Variants in RCSD1 observed in about 807,000 individuals in gnomAD.
The protein encoded by RCSD1 is capZ-interacting protein.
RCSD1 carries 26 observed loss-of-function variants against 42.5 expected under a neutral mutation model. That is an observed-to-expected ratio of 0.61 (90% CI 0.45 to 0.85). RCSD1 has a LOEUF of 0.85. Among genes scored for constraint, RCSD1 ranks in the 40% least tolerant of loss-of-function variants. The pLI, the probability that RCSD1 is intolerant of heterozygous loss-of-function variation, is 0.00. For missense variants in RCSD1, 571 were observed against 528.3 expected (o/e 1.08, Z -0.79); for synonymous variants, 220 against 212.2 (o/e 1.04, Z -0.32).
rs777072649 is a variant in RCSD1, at chr1:167,630,384, C to A, written c.-40C>A. On this transcript the variant is annotated 5_prime_UTR_variant, in exon 1 of 7. Transcript: ENST00000367854. ...CGGGGATCGTGAGCTCCGGCCCGGG[C>A]GAGCGGGTGCGTCTGCCGCAGAGTC... The A allele has an allele frequency of 2.0e-6, 3 of 1,500,008 alleles. No individual in the cohort carries two copies. Among genetic ancestry groups the A allele is most frequent in the East Asian group, 2.7e-5 (1 of 37,526 alleles). The allele number at this position is 1,500,008 out of a possible 1,614,324, so 92.9% of individuals were successfully genotyped here.
rs114982994 is a variant in RCSD1 at position 167,672,332 on chromosome 1, T to C, written c.7-11568T>C. On this transcript the variant is annotated intron_variant, in intron 1 of 6. Transcript: ENST00000367854. ...TGACCGACTGACTGTATTAGTTTCC[T>C]ATGGCTGCTGTGACAAATGTCCACC... Among the ~76,000 whole-genome samples the C allele has an allele frequency of 3.6e-3, 541 of 152,338 alleles. 5 individuals carry two copies. The highest frequency in any genetic ancestry group is 0.012 in the African/African-American group (516 of 41,564).
chr1:167,656,415 C>T (rs1022538), intron 1 of RCSD1, among the ~76,000 whole-genome samples: 50,221 of 152,122 alleles, frequency 0.33, 8,646 homozygotes, highest in African/African-American at 0.39. Flanking sequence ...AATGCTTTTA[C>T]TGGAATAAAA....
intron 1 of RCSD1, among the ~76,000 whole-genome samples, chr1:167,638,841 C>T (rs1657925859): frequency 6.6e-6 from 1 of 152,232 alleles, no homozygotes; most frequent in Non-Finnish European, 1.5e-5. Context: ...CCATCCCCTT[C>T]ATTTTAAAGA....
intron 6 of RCSD1, among the ~76,000 whole-genome samples, chr1:167,702,371 A>G (rs939814718): frequency 1.3e-5 from 2 of 152,258 alleles, no homozygotes; most frequent in African/African-American, 4.8e-5. Flanking sequence ...GGGGATTTCA[A>G]TCATAGGCAA....
chr1:167,697,798 A>G lies in RCSD1; in HGVS notation c.1174A>G (p.Thr392Ala), dbSNP rs1340275078. The G allele has an allele frequency of 4.7e-6, 7 of 1,480,242 alleles. No homozygotes were observed. The highest frequency in any genetic ancestry group is 2.4e-5 in the East Asian group (1 of 41,978). The allele number at this position is 1,480,242 out of a possible 1,614,324, so 91.7% of individuals were successfully genotyped here. Residue 392 changes from threonine (T) to alanine (A), a missense_variant, in exon 6 of 7, where the codon ACC becomes GCC. By Grantham distance (58) the Thr-to-Ala change is moderately conservative. Coordinates refer to ENST00000367854, the MANE Select transcript of RCSD1 (RefSeq NM_052862.4). ...SPQTGPAQLE[T>A]SSEVQSEPAV... ...CCAGACCGGCCCTGCCCAGCTGGAG[A>G]CCAGCAGTGAGGTCCAGAGCGAGCC... is the stretch of plus-strand genomic sequence containing the variant.
chr1:167,682,036 G>A (rs1659094637), intron 1 of RCSD1, among the ~76,000 whole-genome samples: 2 of 152,174 alleles, frequency 1.3e-5, no homozygotes, highest in Non-Finnish European at 2.9e-5. Context: ...AGCATTTGGT[G>A]TTTAGGCTGG....
At chr1:167,632,761 C>T (rs1220558025) in intron 1 of RCSD1, among the ~76,000 whole-genome samples, 1 of 140,816 alleles carries the variant, frequency 7.1e-6, no homozygotes, top group Non-Finnish European at 1.6e-5. Context: ...GTTTCTTTGT[C>T]CAAATGCCTG....
intron 1 of RCSD1, among the ~76,000 whole-genome samples, chr1:167,634,941 A>AGTGTGTGT (rs68149146): frequency 2.0e-5 from 3 of 146,508 alleles, no homozygotes; most frequent in African/African-American, 5.0e-5. Context: ...CTATGATGAG[A>AGTGTGTGT]GTGTGTGTGT....
intron 1 of RCSD1, among the ~76,000 whole-genome samples, chr1:167,649,178 G>A (rs1405187438): frequency 1.3e-5 from 2 of 152,160 alleles, no homozygotes; most frequent in Non-Finnish European, 1.5e-5. Flanking sequence ...GGACAAAGAG[G>A]GAATGGATAG....
intron 1 of RCSD1, among the ~76,000 whole-genome samples, chr1:167,647,870 T>A (rs1358061683): frequency 6.6e-6 from 1 of 152,246 alleles, no homozygotes; most frequent in African/African-American, 2.4e-5. Flanking sequence ...AAAATTAAGC[T>A]AATCTTAAAT....
Position 167,689,983 on chromosome 1 carries a change from G to A in RCSD1, c.199-66G>A, listed in dbSNP as rs990121332. ...TTCTCCTTCTGCCTGTGGCTTTTGG[G>A]TTCCAACCAGAACCCCACTTTCCTC... On this transcript the variant is annotated intron_variant, in intron 3 of 6. Coordinates refer to ENST00000367854, the MANE Select transcript of RCSD1 (RefSeq NM_052862.4). 11 of 1,515,906 alleles carry A rather than the reference G, an allele frequency of 7.3e-6. No individual in the cohort carries two copies. The East Asian group carries it at 2.0e-4, about 28-fold the overall frequency. 93.9% of individuals were successfully genotyped at this position (1,515,906 alleles called of 1,614,324 possible).
At chr1:167,666,349 A>G (rs1008931705) in intron 1 of RCSD1, among the ~76,000 whole-genome samples, 2 of 152,242 alleles carry the variant, frequency 1.3e-5, no homozygotes, top group African/African-American at 4.8e-5. Flanking sequence ...TGGGGATTCA[A>G]TGAGATCATC....
chr1:167,646,523 CTTTT>C (rs1658152148), intron 1 of RCSD1, among the ~76,000 whole-genome samples: 1 of 141,268 alleles, frequency 7.1e-6, no homozygotes, highest in African/African-American at 2.6e-5. Flanking sequence ...TTTTCTTTTT[CTTTT>C]TCTTTTTATA....
chr1:167,653,861 A>G (rs1260414613), intron 1 of RCSD1, among the ~76,000 whole-genome samples: 1 of 152,206 alleles, frequency 6.6e-6, no homozygotes, highest in African/African-American at 2.4e-5. Context: ...AGGTAGAAGA[A>G]CAGCATCTGC....
chr1:167,685,372 A>T, intron 2 of RCSD1, 49 bp from the exon 3 acceptor site: 1 of 1,489,868 alleles, frequency 6.7e-7, no homozygotes, highest in Non-Finnish European at 9.3e-7. Context: ...CTGTTGCCTG[A>T]TCAGTGCTCT....
chr1:167,682,932 G>A (rs7511864), intron 1 of RCSD1, among the ~76,000 whole-genome samples: 7,239 of 152,222 alleles, frequency 0.048, 572 homozygotes, highest in African/African-American at 0.16. Flanking sequence ...TCCGGGACTG[G>A]ACATGTAAAA....
intron 1 of RCSD1, among the ~76,000 whole-genome samples, chr1:167,681,682 G>A (rs1659085127): frequency 6.6e-6 from 1 of 152,166 alleles, no homozygotes; most frequent in African/African-American, 2.4e-5. Context: ...TGAAACTGAG[G>A]TAAAGCACAC....
At chr1:167,679,932 C>A (rs1169899653) in intron 1 of RCSD1, among the ~76,000 whole-genome samples, 1 of 152,126 alleles carries the variant, frequency 6.6e-6, no homozygotes, top group African/African-American at 2.4e-5. Context: ...GGGGAAGTTC[C>A]ATGCTGTCCA....
chr1:167,685,306 A>T, intron 2 of RCSD1, 115 bp from the exon 3 acceptor site: 1 of 709,572 alleles, frequency 1.4e-6, no homozygotes, highest in East Asian at 3.0e-5. Flanking sequence ...ACATCCTAAC[A>T]TTCCTAAATC....
Sources: allele counts gnomAD v4.1 joint callset (sites outside exome capture counted in the v4.1 genomes callset), GRCh38; gene constraint gnomAD v4.1.1; transcripts MANE v1.5; gene names NCBI Gene and HGNC (gene_info 2026-07-23, HGNC 2026-07-21).